The following MGMT variants were observed in gnomAD, a reference collection of about 807,000 sequenced individuals.
MGMT encodes the protein methylated-DNA--protein-cysteine methyltransferase.
Under a neutral mutation model 15.9 loss-of-function variants are expected in MGMT, and 14 were observed. That is an observed-to-expected ratio of 0.88 (90% CI 0.58 to 1.37). The LOEUF is 1.37. Ranked by LOEUF, MGMT falls within the 40% of genes most tolerant of loss-of-function variation. The probability of loss-of-function intolerance (pLI) is 0.00; values close to 1 mark genes in which losing one functional copy is unlikely to be tolerated. For synonymous variants in MGMT, 130 were observed against 118.2 expected (o/e 1.10, Z -0.65); for missense variants, 282 against 268.1 (o/e 1.05, Z -0.36).
intron 1 of MGMT, among the ~76,000 whole-genome samples, chr10:129,504,439 A>G (rs976462890): frequency 1.3e-5 from 2 of 152,246 alleles, no homozygotes; most frequent in African/African-American, 2.4e-5. Flanking sequence ...TGCAGTAAAC[A>G]GAATTCTAGT....
chr10:129,578,060 T>C (rs982264840), intron 2 of MGMT, among the ~76,000 whole-genome samples: 1 of 152,146 alleles, frequency 6.6e-6, no homozygotes, highest in African/African-American at 2.4e-5. Context: ...TGTGGAGAAA[T>C]AGGAACACTT....
intron 3 of MGMT, among the ~76,000 whole-genome samples, chr10:129,730,786 T>C (rs79073523): frequency 0.028 from 4,233 of 152,298 alleles, 83 homozygotes; most frequent in Non-Finnish European, 0.042. Context: ...AAGTCAGTTA[T>C]TCAGCTTTGA....
At chr10:129,651,141 T>C (rs1847452861) in intron 2 of MGMT, among the ~76,000 whole-genome samples, 1 of 152,142 alleles carries the variant, frequency 6.6e-6, no homozygotes, top group Admixed American at 6.5e-5. Context: ...GTTCCCAGCA[T>C]CTCCTCGGCA....
intron 2 of MGMT, among the ~76,000 whole-genome samples, chr10:129,612,512 C>A (rs181170010): frequency 6.6e-6 from 1 of 152,170 alleles, no homozygotes; most frequent in Admixed American, 6.5e-5. Context: ...TAGTTTTATA[C>A]CCGGGAATGT....
intron 2 of MGMT, among the ~76,000 whole-genome samples, chr10:129,562,328 G>A (rs762528420): frequency 8.5e-5 from 13 of 152,276 alleles, no homozygotes; most frequent in East Asian, 1.9e-4. Context: ...CACCTTGTTC[G>A]TCTTTGGCTC....
chr10:129,592,440 C>T (rs899227775), intron 2 of MGMT, among the ~76,000 whole-genome samples: 48 of 152,146 alleles, frequency 3.2e-4, no homozygotes, highest in African/African-American at 1.1e-3. Context: ...ATTTGCATAC[C>T]TCAGTGAACC....
chr10:129,577,340 A>G (rs926513827), intron 2 of MGMT, among the ~76,000 whole-genome samples: 1 of 152,206 alleles, frequency 6.6e-6, no homozygotes, highest in Non-Finnish European at 1.5e-5. Flanking sequence ...AAACAGAGAT[A>G]TAGACCAATG....
rs1374160598 is a variant in MGMT at position 129,647,376 on chromosome 10, G to T, written c.126-60519G>T. On this transcript the variant is annotated intron_variant, in intron 2 of 4. Transcript: ENST00000651593. ...TAAATGCATAAAATTAAAGGCAGCGGCCTGCAGGATCCCCAGGTGGCGTGT... is the reference window on the plus strand; with the variant it reads ...TAAATGCATAAAATTAAAGGCAGCGTCCTGCAGGATCCCCAGGTGGCGTGT... Among the ~76,000 whole-genome samples, 3 of 152,202 alleles carry T rather than the reference G, an allele frequency of 2.0e-5. No individual in the cohort carries two copies. In the East Asian group the frequency reaches 5.8e-4, roughly 29 times the overall value.
At chr10:129,536,989 C>T (rs1325046674) in intron 2 of MGMT, 1 of 152,150 alleles carries the variant, frequency 6.6e-6, no homozygotes, top group Non-Finnish European at 1.5e-5. Flanking sequence ...TAAGAGCGTA[C>T]ATGTTTCTCT....
intron 2 of MGMT, among the ~76,000 whole-genome samples, chr10:129,596,986 G>T (rs1381018246): frequency 6.6e-6 from 1 of 152,152 alleles, no homozygotes; most frequent in Non-Finnish European, 1.5e-5. Context: ...GTGGGCTGGG[G>T]TGAAGGTCTC....
rs867464572 is a variant in MGMT, at chr10:129,564,609, C to T, written c.125+28232C>T. 3.2e-3 allele frequency among the ~76,000 whole-genome samples: 234 copies of T among 73,308 alleles called. 1 individual carries two copies. Among genetic ancestry groups the T allele is most frequent in the Non-Finnish European group, 5.0e-3 (168 of 33,328 alleles). The allele number at this position is 73,308 out of a possible 152,430, so 48.1% of individuals were successfully genotyped here. On this transcript the variant is annotated intron_variant, in intron 2 of 4. Coordinates refer to ENST00000651593, the MANE Select transcript of MGMT (RefSeq NM_002412.5). ...CTCCCCCTCATTTTCCTCCTCCTCCCCCTCCTCCTCCTCCCCTGCTTCCCC... is the reference window on the plus strand; with the variant it reads ...CTCCCCCTCATTTTCCTCCTCCTCCTCCTCCTCCTCCTCCCCTGCTTCCCC...
chr10:129,612,595 G>T (rs1182058499), intron 2 of MGMT, among the ~76,000 whole-genome samples: 1 of 152,220 alleles, frequency 6.6e-6, no homozygotes, highest in Admixed American at 6.5e-5. Flanking sequence ...TTTCCCCACA[G>T]CCTTGCTGGC....
rs536304290 is a variant in MGMT, at chr10:129,608,370, G to T, written c.125+71993G>T. On this transcript the variant is annotated intron_variant, in intron 2 of 4. Transcript: ENST00000651593. ...AGGGGAGGAACTCCGGGTTTGCGCC[G>T]CAGCTGCGTCGGTGGGGCCAGATTT... Among the ~76,000 whole-genome samples, 3 of 152,364 alleles carry T rather than the reference G, an allele frequency of 2.0e-5. No homozygotes were observed. In the South Asian group the frequency reaches 6.2e-4, roughly 32 times the overall value.
At chr10:129,653,714 C>T (rs1274019793) in intron 2 of MGMT, among the ~76,000 whole-genome samples, 1 of 152,210 alleles carries the variant, frequency 6.6e-6, no homozygotes, top group Non-Finnish European at 1.5e-5. Flanking sequence ...AGGCAGGGAG[C>T]CGAATGGACA....
At chr10:129,571,966 AATTG>A in intron 2 of MGMT, among the ~76,000 whole-genome samples, 1 of 152,168 alleles carries the variant, frequency 6.6e-6, no homozygotes, top group East Asian at 1.9e-4. Context: ...GGTGCATTTT[AATTG>A]ATTGTACCCA....
chr10:129,644,621 A>G (rs554439540), intron 2 of MGMT, among the ~76,000 whole-genome samples: 1 of 152,350 alleles, frequency 6.6e-6, no homozygotes, highest in Admixed American at 6.5e-5. Context: ...CGAGGCCTCA[A>G]TTCCTGCTTC....
chr10:129,646,403 A>T (rs1046367379), intron 2 of MGMT, among the ~76,000 whole-genome samples: 1 of 152,038 alleles, frequency 6.6e-6, no homozygotes, highest in Non-Finnish European at 1.5e-5. Flanking sequence ...CCTACATGGC[A>T]CCTAAGACTC....
intron 2 of MGMT, among the ~76,000 whole-genome samples, chr10:129,689,645 G>A (rs1847948076): frequency 6.6e-6 from 1 of 152,210 alleles, no homozygotes; most frequent in South Asian, 2.1e-4. Flanking sequence ...TTGGTCGATT[G>A]TGCCAGCTCT....
At chr10:129,537,355 G>C (rs1299360012) in intron 2 of MGMT, among the ~76,000 whole-genome samples, 8 of 152,138 alleles carry the variant, frequency 5.3e-5, no homozygotes. Context: ...TTCCTGTAGA[G>C]CTGCACGTTA....
Sources: allele counts gnomAD v4.1 joint callset (sites outside exome capture counted in the v4.1 genomes callset), GRCh38; gene constraint gnomAD v4.1.1; transcripts MANE v1.5; gene names NCBI Gene and HGNC (gene_info 2026-07-23, HGNC 2026-07-21).